PTPRG: variants seen among roughly 807,000 people sequenced by gnomAD.
PTPRG encodes the protein receptor-type tyrosine-protein phosphatase gamma.
Under a neutral mutation model 165.3 loss-of-function variants are expected in PTPRG, and 102 were observed. The observed-to-expected ratio is 0.62, with a 90% confidence interval of 0.53 to 0.73. PTPRG has a LOEUF of 0.73. Among genes scored for constraint, PTPRG ranks in the 30% least tolerant of loss-of-function variants. The pLI is 0.00. For missense variants in PTPRG, 1,866 were observed against 1,861.4 expected (o/e 1.00, Z -0.05); for synonymous variants, 675 against 669.5 (o/e 1.01, Z -0.13).
intron 5 of PTPRG, among the ~76,000 whole-genome samples, chr3:62,082,642 A>T (rs1332610930): frequency 6.6e-6 from 1 of 152,176 alleles, no homozygotes; most frequent in African/African-American, 2.4e-5. Context: ...GATCATGATG[A>T]CTGGCCCGGA....
At chr3:61,585,637 C>A (rs1700418138) in intron 1 of PTPRG, among the ~76,000 whole-genome samples, 1 of 151,974 alleles carries the variant, frequency 6.6e-6, no homozygotes, top group Admixed American at 6.6e-5. Context: ...GTCCCAGCTA[C>A]TTGGGAGGCT....
chr3:62,099,767 G>A (rs1245859497), intron 5 of PTPRG, among the ~76,000 whole-genome samples: 1 of 144,556 alleles, frequency 6.9e-6, no homozygotes. Flanking sequence ...TTTGAGGTAA[G>A]TAGTCATAGT....
At chr3:61,839,786 T>A (rs552171742) in intron 2 of PTPRG, among the ~76,000 whole-genome samples, 1 of 152,342 alleles carries the variant, frequency 6.6e-6, no homozygotes, top group African/African-American at 2.4e-5. Flanking sequence ...CTGAATTTTC[T>A]TTCTGTACCA....
chr3:62,121,916 C>G (rs1019331220), intron 5 of PTPRG, among the ~76,000 whole-genome samples: 1 of 152,238 alleles, frequency 6.6e-6, no homozygotes, highest in Non-Finnish European at 1.5e-5. Flanking sequence ...CAATCAAGGC[C>G]TGCCAGGAAA....
At chr3:61,610,084 G>A (rs1701126440) in intron 1 of PTPRG, among the ~76,000 whole-genome samples, 1 of 149,916 alleles carries the variant, frequency 6.7e-6, no homozygotes, top group South Asian at 2.2e-4. Flanking sequence ...ATACCACACT[G>A]CCTGGGTTTG....
chr3:62,242,582 A>C (rs1701185427), intron 14 of PTPRG, among the ~76,000 whole-genome samples: 1 of 152,194 alleles, frequency 6.6e-6, no homozygotes, highest in Non-Finnish European at 1.5e-5. Flanking sequence ...CCTGTATAAA[A>C]CCTGAGATGG....
chr3:62,219,584 G>C lies in PTPRG; in HGVS notation c.2288+601G>C, dbSNP rs147816776. 2.6e-5 allele frequency among the ~76,000 whole-genome samples: 4 copies of C among 152,242 alleles called. No individual in the cohort carries two copies. Among genetic ancestry groups the C allele is most frequent in the African/African-American group, 9.6e-5 (4 of 41,558 alleles). Reference sequence around the variant, plus strand: ...GTTTAGAAGTTGTGTTTTTTCAGCCGGACCGTCTCAGCCAGCTCAGCTGAG... The same window carrying C: ...GTTTAGAAGTTGTGTTTTTTCAGCCCGACCGTCTCAGCCAGCTCAGCTGAG... On this transcript the variant is annotated intron_variant, in intron 13 of 29. Coordinates refer to ENST00000474889, the MANE Select transcript of PTPRG (RefSeq NM_002841.4). The surrounding 1 kb of genome is among the most constrained non-coding windows in gnomAD (Gnocchi z 4.5).
At chr3:61,607,307 C>T (rs1701038303) in intron 1 of PTPRG, among the ~76,000 whole-genome samples, 2 of 152,164 alleles carry the variant, frequency 1.3e-5, no homozygotes, top group African/African-American at 4.8e-5. Context: ...AATCCTCTGT[C>T]TCCTTGACAT....
chr3:62,125,203 C>G (rs1254785461), intron 5 of PTPRG, among the ~76,000 whole-genome samples: 1 of 152,180 alleles, frequency 6.6e-6, no homozygotes, highest in African/African-American at 2.4e-5. Context: ...TGGTCTTCCC[C>G]CGTTCCTAAT....
chr3:61,843,773 AT>A (rs535447988), intron 2 of PTPRG, among the ~76,000 whole-genome samples: 625 of 152,016 alleles, frequency 4.1e-3, no homozygotes, highest in African/African-American at 0.014. Flanking sequence ...TAAAAACATT[AT>A]TAGTTGATGT....
At chr3:62,183,093 G>A (rs1705724855) in intron 8 of PTPRG, among the ~76,000 whole-genome samples, 1 of 152,232 alleles carries the variant, frequency 6.6e-6, no homozygotes, top group Non-Finnish European at 1.5e-5. Context: ...AAAGCAGTCT[G>A]ACCCTAGAGT....
chr3:62,029,375 G>A (rs914655764), intron 4 of PTPRG, among the ~76,000 whole-genome samples: 11 of 152,286 alleles, frequency 7.2e-5, no homozygotes, highest in African/African-American at 2.6e-4. Context: ...AGAGAAAGCT[G>A]TCTATTATTT....
At chr3:62,182,839 T>G (rs1291291400) in intron 8 of PTPRG, among the ~76,000 whole-genome samples, 5 of 152,106 alleles carry the variant, frequency 3.3e-5, no homozygotes, top group Non-Finnish European at 7.4e-5. Flanking sequence ...GTATATTTAG[T>G]AGAGACGGGG....
chr3:61,612,447 T>C (rs1701197271), intron 1 of PTPRG, among the ~76,000 whole-genome samples: 1 of 152,150 alleles, frequency 6.6e-6, no homozygotes, highest in African/African-American at 2.4e-5. Context: ...TCCAGTTCAG[T>C]TGTAGGTAGT....
chr3:61,929,188 T>G (rs2039299349), intron 2 of PTPRG, among the ~76,000 whole-genome samples: 1 of 152,226 alleles, frequency 6.6e-6, no homozygotes, highest in South Asian at 2.1e-4. Flanking sequence ...GTCAGCCATT[T>G]AACACATGCA....
At chr3:62,012,395 A>G (rs1039573090) in intron 4 of PTPRG, among the ~76,000 whole-genome samples, 2 of 152,164 alleles carry the variant, frequency 1.3e-5, no homozygotes, top group Non-Finnish European at 2.9e-5. Context: ...TTTTTTCAGA[A>G]TCTTAACTGT....
At chr3:62,026,207 CTG>C (rs2041799943) in intron 4 of PTPRG, among the ~76,000 whole-genome samples, 4 of 152,202 alleles carry the variant, frequency 2.6e-5, no homozygotes, top group Non-Finnish European at 5.9e-5. Context: ...TTGATGATGA[CTG>C]TATTAAATGT....
rs140305272 is a variant in PTPRG at position 61,817,527 on chromosome 3, A to C, written c.190+68545A>C. Among the ~76,000 whole-genome samples the C allele has an allele frequency of 7.7e-3, 1,175 of 152,276 alleles. 9 individuals are homozygous for C. Among genetic ancestry groups the C allele is most frequent in the Non-Finnish European group, 0.011 (776 of 68,028 alleles). On this transcript the variant is annotated intron_variant, in intron 2 of 29. Transcript: ENST00000474889. ...AATTCTTCCATGGAAAAATAAAGCA[A>C]CTAGGAAAGCTAAACTATAAACTCA...
intron 1 of PTPRG, among the ~76,000 whole-genome samples, chr3:61,595,250 A>G (rs929549967): frequency 2.0e-5 from 3 of 149,540 alleles, no homozygotes; most frequent in Non-Finnish European, 3.0e-5. Context: ...CTGGTGAACT[A>G]TTTGTTTCTA....
Sources: allele counts gnomAD v4.1 joint callset (sites outside exome capture counted in the v4.1 genomes callset), GRCh38; gene constraint gnomAD v4.1.1; non-coding constraint Gnocchi (gnomAD v3.1); transcripts MANE v1.5; gene names NCBI Gene and HGNC (gene_info 2026-07-23, HGNC 2026-07-21).